ANO4: variants seen among roughly 807,000 people sequenced by gnomAD.
ANO4 encodes the protein anoctamin 4.
Under a neutral mutation model 141.9 loss-of-function variants are expected in ANO4, and 69 were observed. The ratio of observed to expected loss-of-function variants is 0.49; its 90% CI spans 0.40 to 0.59. The LOEUF is 0.59. ANO4 is among the 20% of genes least tolerant of loss of function. The pLI is 0.00. For synonymous variants in ANO4, 350 were observed against 394.3 expected, an observed-to-expected ratio of 0.89 and a Z score of 1.33; for missense variants, 894 against 1,162.2, an observed-to-expected ratio of 0.77 and a Z score of 3.36.
intron 1 of ANO4, among the ~76,000 whole-genome samples, chr12:100,853,445 A>G (rs150062950): frequency 1.5e-4 from 23 of 152,294 alleles, no homozygotes; most frequent in Admixed American, 3.9e-4. Context: ...ACTGTCCTCT[A>G]CAATTACTTA....
At position 100,903,757 on chromosome 12, in the gene ANO4, C is replaced by T. The variant is rs2040707391; in HGVS notation, c.55+1917C>T. On this transcript the variant is annotated intron_variant, in intron 2 of 27. Coordinates refer to ENST00000392977, the MANE Select transcript of ANO4 (RefSeq NM_001286615.2). Reference sequence around the variant, plus strand: ...TCTGCTTTTAAGGCTTTTCAACTGACCTAGATTATCAAGGAGAATCTCCTT... The same window carrying T: ...TCTGCTTTTAAGGCTTTTCAACTGATCTAGATTATCAAGGAGAATCTCCTT... 3.9e-5 allele frequency among the ~76,000 whole-genome samples: 6 copies of T among 152,188 alleles called. 1 individual carries two copies. In the South Asian group the frequency reaches 1.2e-3, roughly 31 times the overall value.
chr12:100,802,627 T>G (rs956404387), intron 1 of ANO4, among the ~76,000 whole-genome samples: 2 of 152,202 alleles, frequency 1.3e-5, no homozygotes, highest in African/African-American at 4.8e-5. Context: ...CATTCATTTA[T>G]TCATTCATTT....
chr12:100,828,625 A>C (rs763687680), intron 1 of ANO4, among the ~76,000 whole-genome samples: 2 of 152,020 alleles, frequency 1.3e-5, no homozygotes, highest in African/African-American at 2.4e-5. Context: ...CACGTGATTG[A>C]TTGTAAAGGC....
chr12:101,026,883 C>T (rs2046759721), intron 9 of ANO4, among the ~76,000 whole-genome samples: 1 of 152,092 alleles, frequency 6.6e-6, no homozygotes, highest in Admixed American at 6.5e-5. Flanking sequence ...ATAACCTAGA[C>T]TTCAAAATTA....
intron 2 of ANO4, among the ~76,000 whole-genome samples, chr12:100,738,633 C>T (rs964440598): frequency 6.6e-6 from 1 of 151,702 alleles, no homozygotes; most frequent in Admixed American, 6.6e-5. Context: ...GGAAAAAGAA[C>T]ATATATTTAT....
chr12:101,055,988 T>C (rs908313703), intron 14 of ANO4, among the ~76,000 whole-genome samples: 1 of 152,306 alleles, frequency 6.6e-6, no homozygotes, highest in African/African-American at 2.4e-5. Context: ...TGTATGGGTC[T>C]GTTTTCAGAA....
chr12:100,974,784 T>A, intron 6 of ANO4, 61 bp from the exon 7 acceptor site: 1 of 1,574,440 alleles, frequency 6.4e-7, no homozygotes, highest in Non-Finnish European at 8.7e-7. Context: ...CCTTGCTAGT[T>A]CAAACTGTAA....
At chr12:100,962,290 G>T (rs2043457568) in intron 5 of ANO4, among the ~76,000 whole-genome samples, 1 of 152,184 alleles carries the variant, frequency 6.6e-6, no homozygotes. Flanking sequence ...CCTTCTCAAT[G>T]ACTGTGTGCT....
intron 12 of ANO4, 96 bp downstream of exon 12, chr12:101,042,564 T>G: frequency 4.7e-6 from 7 of 1,501,976 alleles, no homozygotes; most frequent in Non-Finnish European, 4.5e-6. Context: ...GACATTTAGC[T>G]TTTCACTCAA....
chr12:100,845,610 GTATC>G (rs1341484602), intron 1 of ANO4, among the ~76,000 whole-genome samples: 2 of 152,078 alleles, frequency 1.3e-5, no homozygotes, highest in Non-Finnish European at 1.5e-5. Context: ...ACATATGTCT[GTATC>G]TATGTGATAC....
At chr12:100,919,734 AT>A (rs1341313228) in intron 2 of ANO4, among the ~76,000 whole-genome samples, 1 of 133,542 alleles carries the variant, frequency 7.5e-6, no homozygotes. Context: ...GTGTGTATGT[AT>A]GTATCTATCT....
At chr12:101,095,990 C>T (rs1447662837) in intron 18 of ANO4, among the ~76,000 whole-genome samples, 1 of 152,174 alleles carries the variant, frequency 6.6e-6, no homozygotes, top group Non-Finnish European at 1.5e-5. Flanking sequence ...GATGATGCCA[C>T]CTCCTTGATA....
At position 100,923,198 on chromosome 12, in the gene ANO4, A is replaced by G. The variant is rs113744497; in HGVS notation, c.160+868A>G. Among the ~76,000 whole-genome samples, 439 of 152,284 alleles carry G rather than the reference A, an allele frequency of 2.9e-3. 5 individuals are homozygous for G. Among genetic ancestry groups the G allele is most frequent in the African/African-American group, 9.3e-3 (386 of 41,566 alleles). On this transcript the variant is annotated intron_variant, in intron 3 of 27. Coordinates refer to ENST00000392977, the MANE Select transcript of ANO4 (RefSeq NM_001286615.2). ...CGTGTGAACAACGTACAGGTTTGAT[A>G]CATAGGTATACATGTGCCATGTTGG...
intron 1 of ANO4, among the ~76,000 whole-genome samples, chr12:100,821,332 C>T (rs770286616): frequency 2.0e-4 from 30 of 151,990 alleles, no homozygotes; most frequent in Non-Finnish European, 4.0e-4. Context: ...TTGCCTTTCT[C>T]TTAGTGCTAT....
At chr12:100,886,194 C>T (rs1016503996) in intron 1 of ANO4, among the ~76,000 whole-genome samples, 2 of 152,158 alleles carry the variant, frequency 1.3e-5, no homozygotes, top group South Asian at 2.1e-4. Flanking sequence ...TATTCTTAAA[C>T]CTTTGCTCTG....
At chr12:100,982,108 C>T (rs1223780112) in intron 7 of ANO4, among the ~76,000 whole-genome samples, 1 of 152,174 alleles carries the variant, frequency 6.6e-6, no homozygotes, top group Non-Finnish European at 1.5e-5. Flanking sequence ...AAAAATAACT[C>T]ACATTGTAGT....
intron 14 of ANO4, chr12:101,068,611 CT>C: frequency 2.8e-6 from 4 of 1,418,022 alleles, no homozygotes; most frequent in Non-Finnish European, 4.0e-6. Context: ...TGATGCAGTC[CT>C]TTTTACTGGA....
chr12:100,903,189 AT>A (rs1490506224), intron 2 of ANO4, among the ~76,000 whole-genome samples: 2 of 152,158 alleles, frequency 1.3e-5, no homozygotes, highest in East Asian at 3.9e-4. Flanking sequence ...TTTTATCACA[AT>A]GTAGTGGATG....
At chr12:101,069,568 A>G (rs1259943392) in intron 14 of ANO4, among the ~76,000 whole-genome samples, 1 of 152,216 alleles carries the variant, frequency 6.6e-6, no homozygotes, top group Non-Finnish European at 1.5e-5. Flanking sequence ...CATCTGGCCC[A>G]TGTCCTACAA....
Sources: gnomAD v4.1 joint callset for allele counts (sites outside exome capture counted in the v4.1 genomes callset) on GRCh38, gnomAD v4.1.1 for gene constraint, MANE v1.5 for transcripts, NCBI Gene and HGNC (gene_info 2026-07-23, HGNC 2026-07-21) for gene names.